The following EPHA6 variants were observed in gnomAD, a reference collection of about 807,000 sequenced individuals.
EPHA6 encodes the protein ephrin type-A receptor 6.
In EPHA6, 50 loss-of-function variants were observed where a neutral mutation model predicts 112.0. That is an observed-to-expected ratio of 0.45 (90% CI 0.36 to 0.56). The LOEUF (loss-of-function observed/expected upper bound fraction) is 0.56. EPHA6 is among the 20% of genes least tolerant of loss of function. The pLI is 0.00. For missense variants in EPHA6, 1,280 were observed against 1,417.4 expected, an observed-to-expected ratio of 0.90 and a Z score of 1.56; for synonymous variants, 529 against 490.7, an observed-to-expected ratio of 1.08 and a Z score of -1.03.
At chr3:97,205,374 T>C (rs187370276) in intron 3 of EPHA6, among the ~76,000 whole-genome samples, 1 of 152,042 alleles carries the variant, frequency 6.6e-6, no homozygotes, top group East Asian at 1.9e-4. Flanking sequence ...TAGAATTTAT[T>C]TATTAAATAT....
At chr3:97,231,940 C>G (rs2078538674) in intron 4 of EPHA6, among the ~76,000 whole-genome samples, 1 of 150,240 alleles carries the variant, frequency 6.7e-6, no homozygotes, top group Admixed American at 6.6e-5. Context: ...TTCCCTTAAA[C>G]AAATAAAGAA....
At chr3:96,903,411 C>A (rs2038730144) in intron 2 of EPHA6, among the ~76,000 whole-genome samples, 1 of 152,112 alleles carries the variant, frequency 6.6e-6, no homozygotes, top group Non-Finnish European at 1.5e-5. Context: ...CTTGGAAAAT[C>A]ACCCTTAAAA....
intron 13 of EPHA6, among the ~76,000 whole-genome samples, chr3:97,618,881 G>T (rs1453174757): frequency 6.6e-6 from 1 of 151,922 alleles, no homozygotes; most frequent in Non-Finnish European, 1.5e-5. Context: ...TAAAAAAATT[G>T]AAAAGGAAGG....
chr3:96,952,390 A>G (rs2041582556), intron 2 of EPHA6, among the ~76,000 whole-genome samples: 1 of 152,076 alleles, frequency 6.6e-6, no homozygotes, highest in Non-Finnish European at 1.5e-5. Flanking sequence ...ACCCTCATGA[A>G]GGGTTTAGTG....
intron 5 of EPHA6, among the ~76,000 whole-genome samples, chr3:97,396,062 A>T (rs2086675804): frequency 6.6e-6 from 1 of 151,780 alleles, no homozygotes; most frequent in African/African-American, 2.4e-5. Context: ...CTGAAGCAAA[A>T]AATGGATAAG....
intron 3 of EPHA6, among the ~76,000 whole-genome samples, chr3:97,009,714 G>C (rs1019747758): frequency 6.6e-6 from 1 of 152,216 alleles, no homozygotes; most frequent in African/African-American, 2.4e-5. Context: ...GGGAAGCTAC[G>C]CCCCGGTGTC....
intron 5 of EPHA6, among the ~76,000 whole-genome samples, chr3:97,286,834 T>C (rs771692225): frequency 1.3e-4 from 20 of 152,106 alleles, no homozygotes; most frequent in Non-Finnish European, 2.2e-4. Flanking sequence ...TTCGGTAGTA[T>C]GGTGATTTTA....
intron 12 of EPHA6, among the ~76,000 whole-genome samples, chr3:97,595,293 C>A (rs2093577967): frequency 6.6e-6 from 1 of 152,162 alleles, no homozygotes; most frequent in South Asian, 2.1e-4. Context: ...AATTGAATAG[C>A]AAGTTTATCA....
chr3:97,707,410 A>C (rs1232536862), intron 14 of EPHA6, among the ~76,000 whole-genome samples: 21 of 152,210 alleles, frequency 1.4e-4, no homozygotes, highest in Admixed American at 1.4e-3. Context: ...TGCTAGGTGC[A>C]AAATGAGTGA....
At chr3:97,471,405 T>C (rs1431076388) in intron 7 of EPHA6, among the ~76,000 whole-genome samples, 2 of 151,754 alleles carry the variant, frequency 1.3e-5, no homozygotes, top group Admixed American at 1.3e-4. Context: ...ACAGTAACTG[T>C]GTTTTGTTCA....
At chr3:97,277,995 C>T (rs2080153533) in intron 5 of EPHA6, among the ~76,000 whole-genome samples, 1 of 152,204 alleles carries the variant, frequency 6.6e-6, no homozygotes. Flanking sequence ...TCTTCTAGGA[C>T]CACTGTCATA....
At chr3:97,415,991 T>C (rs1480619897) in intron 6 of EPHA6, among the ~76,000 whole-genome samples, 1 of 152,060 alleles carries the variant, frequency 6.6e-6, no homozygotes, top group Non-Finnish European at 1.5e-5. Context: ...AATAAATGTT[T>C]CTCCATTTCG....
chr3:97,437,435 A>G (rs898829816), intron 6 of EPHA6, among the ~76,000 whole-genome samples: 2 of 152,152 alleles, frequency 1.3e-5, no homozygotes, highest in Non-Finnish European at 2.9e-5. Context: ...TTGGAATAGC[A>G]TTTATATTTG....
At chr3:97,340,228 A>T (rs543644255) in intron 5 of EPHA6, among the ~76,000 whole-genome samples, 1 of 152,162 alleles carries the variant, frequency 6.6e-6, no homozygotes, top group Non-Finnish European at 1.5e-5. Flanking sequence ...AGGCCTTTGT[A>T]TATGTAGAAG....
intron 10 of EPHA6, among the ~76,000 whole-genome samples, chr3:97,527,136 G>A (rs2092632054): frequency 6.6e-6 from 1 of 152,158 alleles, no homozygotes; most frequent in South Asian, 2.1e-4. Context: ...AGATGGGTCT[G>A]TCTGTGAAGC....
In EPHA6 at chr3:97,362,304, T is replaced by C. The variant is rs546499280; in HGVS notation, c.1607-42846T>C. Among the ~76,000 whole-genome samples the C allele has an allele frequency of 1.2e-3, 188 of 152,266 alleles. 2 individuals carry two copies. Among genetic ancestry groups the C allele is most frequent in the Middle Eastern group, 0.01 (3 of 294 alleles). ...TTGCCAATCAGCTTATTTATGAGCA[T>C]GCGCACATGTGAATTATTTTACATT... On this transcript the variant is annotated intron_variant, in intron 5 of 17. Transcript: ENST00000389672.
At chr3:97,280,054 T>A (rs1214736273) in intron 5 of EPHA6, among the ~76,000 whole-genome samples, 1 of 152,138 alleles carries the variant, frequency 6.6e-6, no homozygotes, top group Non-Finnish European at 1.5e-5. Flanking sequence ...CTCATCTAAT[T>A]TTCATATTTT....
chr3:97,614,346 T>C lies in EPHA6; in HGVS notation c.2574+3492T>C, dbSNP rs547522597. Among the ~76,000 whole-genome samples, 51 of 148,982 alleles carry C rather than the reference T, an allele frequency of 3.4e-4. 1 individual carries two copies. In the South Asian group the frequency reaches 5.6e-3, roughly 16 times the overall value. On this transcript the variant is annotated intron_variant, in intron 13 of 17. Transcript: ENST00000389672. ...AAAGGTATACTTACTTTTTTTTTTT[T>C]TTTTTTTGAGACAGAGTCTTGCTCT...
At chr3:97,506,246 A>G (rs2092249719) in intron 10 of EPHA6, among the ~76,000 whole-genome samples, 1 of 152,152 alleles carries the variant, frequency 6.6e-6, no homozygotes, top group Non-Finnish European at 1.5e-5. Flanking sequence ...TTTCGTCATG[A>G]AGTCTTTGTG....
Sources: allele counts gnomAD v4.1 joint callset (sites outside exome capture counted in the v4.1 genomes callset), GRCh38; gene constraint gnomAD v4.1.1; transcripts MANE v1.5; gene names NCBI Gene and HGNC (gene_info 2026-07-23, HGNC 2026-07-21).